Variants in SETD5 observed in about 807,000 individuals in gnomAD.
SETD5 encodes SET domain containing 5.
In SETD5, 44 loss-of-function variants were observed where a neutral mutation model predicts 153.3. The observed-to-expected ratio is 0.29, with a 90% CI of 0.23 to 0.37. The LOEUF (loss-of-function observed/expected upper bound fraction) is 0.37, where lower values mean the gene tolerates loss of function less well. Ranked by LOEUF, SETD5 falls within the 10% of genes least tolerant of loss-of-function variation. The pLI, the probability that SETD5 is intolerant of heterozygous loss-of-function variation, is 1.00. For missense variants in SETD5, 1,544 were observed against 1,768.0 expected, an observed-to-expected ratio of 0.87 and a Z score of 2.27; for synonymous variants, 716 against 645.2, an observed-to-expected ratio of 1.11 and a Z score of -1.66.
intron 3 of SETD5, chr3:9,431,835 C>A: frequency 1.8e-6 from 1 of 560,784 alleles, no homozygotes; most frequent in Middle Eastern, 9.1e-4. Context: ...CCCCCTCCCA[C>A]CAAAAAAAAA....
intron 1 of SETD5, among the ~76,000 whole-genome samples, chr3:9,420,477 C>T (rs1277651699): frequency 6.6e-6 from 1 of 151,968 alleles, no homozygotes; most frequent in Non-Finnish European, 1.5e-5. Flanking sequence ...TTGTGCCGAG[C>T]TCAGTAGCTC....
chr3:9,453,151 C>T (rs1351521592), intron 16 of SETD5, among the ~76,000 whole-genome samples: 1 of 151,992 alleles, frequency 6.6e-6, no homozygotes, highest in Non-Finnish European at 1.5e-5. Flanking sequence ...ATTTGCATTA[C>T]TCATGCATAA....
In SETD5 at chr3:9,461,079, CTATT is replaced by C. The variant is rs200462630; in HGVS notation, c.2477-3343_2477-3340del. Among the ~76,000 whole-genome samples the C allele has an allele frequency of 6.6e-3, 1,004 of 152,220 alleles. 9 individuals carry two copies. The highest frequency in any genetic ancestry group is 7.0e-3 in the Non-Finnish European group (478 of 68,004). On this transcript the variant is annotated intron_variant, in intron 17 of 22. Transcript: ENST00000402198. ...TATTGACAAGGGGTCAACATTCTTA[CTATT>C]TAAAGAGCCCTTACAGATGAAGAAA...
intron 10 of SETD5, 66 bp downstream of exon 10, chr3:9,442,311 G>T (rs1271172485): frequency 1.7e-6 from 2 of 1,157,592 alleles, no homozygotes; most frequent in East Asian, 4.9e-5. Flanking sequence ...TGAAGAAGCA[G>T]TGTGAAAACT....
chr3:9,425,055 CTT>C (rs778883904), intron 2 of SETD5, among the ~76,000 whole-genome samples: 66 of 83,636 alleles, frequency 7.9e-4, no homozygotes, highest in African/African-American at 2.6e-3. Context: ...GACAATGTTT[CTT>C]TTTTTTTTTT....
chr3:9,420,445 A>T (rs2038197397), intron 1 of SETD5, among the ~76,000 whole-genome samples: 1 of 152,054 alleles, frequency 6.6e-6, no homozygotes, highest in Non-Finnish European at 1.5e-5. Flanking sequence ...GTAAACTTAG[A>T]TTTCTTATAG....
intron 17 of SETD5, among the ~76,000 whole-genome samples, chr3:9,455,855 C>T (rs2043173103): frequency 6.6e-6 from 1 of 152,092 alleles, no homozygotes; most frequent in East Asian, 1.9e-4. Context: ...AATTAGGATT[C>T]CTAGTCACCA....
At chr3:9,409,221 T>C (rs2036184019) in intron 1 of SETD5, among the ~76,000 whole-genome samples, 1 of 152,166 alleles carries the variant, frequency 6.6e-6, no homozygotes, top group Admixed American at 6.5e-5. Context: ...TATTAGATGA[T>C]ATTTTCTTAC....
At chr3:9,473,964 G>A (rs1367897929) in intron 20 of SETD5, among the ~76,000 whole-genome samples, 2 of 152,162 alleles carry the variant, frequency 1.3e-5, no homozygotes, top group Non-Finnish European at 2.9e-5. Context: ...CTGGTTTAGG[G>A]GAGACCACAA....
At position 9,436,778 on chromosome 3, in the gene SETD5, T is replaced by G; in HGVS notation, c.567+872T>G. The G allele has an allele frequency of 2.2e-6, 3 of 1,363,448 alleles. No individual in the cohort carries two copies. In the South Asian group the frequency reaches 3.8e-5, roughly 17 times the overall value. 84.5% of individuals were successfully genotyped at this position (1,363,448 alleles called of 1,614,324 possible). ...ACACTAGTTTGTGCCTTAGTTTTAG[T>G]CTCAGATAGGTATAACTGTCATTCT... On this transcript the variant is annotated intron_variant, in intron 7 of 22. Coordinates refer to ENST00000402198, the MANE Select transcript of SETD5 (RefSeq NM_001080517.3).
chr3:9,466,330 C>G (rs2044581592), intron 18 of SETD5, among the ~76,000 whole-genome samples: 1 of 149,620 alleles, frequency 6.7e-6, no homozygotes, highest in Non-Finnish European at 1.5e-5. Flanking sequence ...AGGTAAGTCA[C>G]TTTGCAAAAC....
chr3:9,466,213 G>A (rs1324632822), intron 18 of SETD5, among the ~76,000 whole-genome samples: 5 of 150,480 alleles, frequency 3.3e-5, no homozygotes, highest in South Asian at 2.1e-4. Flanking sequence ...GCGTGAACCC[G>A]GGAGGCGGAG....
chr3:9,469,511 T>A (rs1208852286), intron 18 of SETD5, among the ~76,000 whole-genome samples: 2 of 152,202 alleles, frequency 1.3e-5, no homozygotes, highest in Non-Finnish European at 2.9e-5. Context: ...CAGGTTAATA[T>A]GAAACTGAAA....
At chr3:9,423,846 A>T (rs545450394) in intron 1 of SETD5, among the ~76,000 whole-genome samples, 36 of 152,218 alleles carry the variant, frequency 2.4e-4, no homozygotes, top group Non-Finnish European at 4.3e-4. Flanking sequence ...GACTTAAAGG[A>T]TACTGATCAT....
intron 18 of SETD5, among the ~76,000 whole-genome samples, chr3:9,470,254 T>A (rs1467252687): frequency 6.6e-6 from 1 of 152,170 alleles, no homozygotes; most frequent in Admixed American, 6.5e-5. Context: ...TGAAAGCAAT[T>A]TTGGAAAGGC....
rs905963301 is a variant in SETD5, at chr3:9,470,636, A to G, written c.2902A>G (p.Thr968Ala). The G allele has an allele frequency of 4.3e-6, 7 of 1,613,794 alleles. No homozygotes were observed. Among genetic ancestry groups the G allele is most frequent in the Non-Finnish European group, 5.9e-6 (7 of 1,179,898 alleles). The change falls in exon 19 of 23, where the codon ACC (threonine) becomes GCC (alanine). Residue 968 changes from threonine (T) to alanine (A), a missense_variant. By Grantham distance (58) the Thr-to-Ala change is moderately conservative. Coordinates refer to ENST00000402198, the MANE Select transcript of SETD5 (RefSeq NM_001080517.3). ...FPSRSGDGHQTLVRNSDQAFR... is the reference protein window; with the variant it reads ...FPSRSGDGHQALVRNSDQAFR... ...AAGCAGAAGTGGAGATGGACATCAGACCCTCGTGAGAAACTCAGACCAGGC... is the reference window on the plus strand; with the variant it reads ...AAGCAGAAGTGGAGATGGACATCAGGCCCTCGTGAGAAACTCAGACCAGGC...
chr3:9,418,929 C>T lies in SETD5; in HGVS notation c.-176-5538C>T, dbSNP rs1305541713. 2.0e-5 allele frequency among the ~76,000 whole-genome samples: 3 copies of T among 152,146 alleles called. No homozygotes were observed. In the South Asian group the frequency reaches 6.2e-4, roughly 32 times the overall value. ...GCAACCTCCACCTCCTGGATTCAAG[C>T]GATTCTCCTGCCTCAGCCTCCCAAG... On this transcript the variant is annotated intron_variant, in intron 1 of 22. Transcript: ENST00000402198.
intron 18 of SETD5, 133 bp from the exon 19 acceptor site, chr3:9,470,326 A>T (rs2045156224): frequency 2.9e-6 from 2 of 699,824 alleles, no homozygotes; most frequent in Non-Finnish European, 5.0e-6. Context: ...TACAGAATAT[A>T]ATGGCTTTAT....
At position 9,470,504 on chromosome 3, in the gene SETD5, G is replaced by A; in HGVS notation, c.2770G>A (p.Asp924Asn). Residue 924 changes from aspartate (D) to asparagine (N), a missense_variant, in exon 19 of 23, where the codon GAC becomes AAC. Around this residue, in one of 9 missense-constraint regions of SETD5, gnomAD observed 782 missense variants for 787.2 expected, o/e 0.99. Transcript: ENST00000402198. The stretch of plus-strand genomic sequence containing the variant: ...GGATTTGGCAAAAGTAGGATACCTT[G>A]ACTCCAACACTAACAGCTGTGCTGA... Reference protein sequence around the residue: ...DLDLAKVGYLDSNTNSCADRP... With the variant: ...DLDLAKVGYLNSNTNSCADRP... The A allele has an allele frequency of 6.2e-7, 1 of 1,613,678 alleles. No homozygotes were observed. The highest frequency in any genetic ancestry group is 8.5e-7 in the Non-Finnish European group (1 of 1,179,764).
Sources: allele counts gnomAD v4.1 joint callset (sites outside exome capture counted in the v4.1 genomes callset), GRCh38; gene constraint gnomAD v4.1.1; regional missense constraint gnomAD v4.1.1; transcripts MANE v1.5; gene names NCBI Gene and HGNC (gene_info 2026-07-23, HGNC 2026-07-21).